The following SDK1 variants were observed in gnomAD, a reference collection of about 807,000 sequenced individuals.
SDK1 encodes the protein protein sidekick-1.
Under a neutral mutation model 245.5 loss-of-function variants are expected in SDK1, and 157 were observed. The ratio of observed to expected loss-of-function variants is 0.64; its 90% CI spans 0.56 to 0.73. The LOEUF (loss-of-function observed/expected upper bound fraction) is 0.73. Ranked by LOEUF, SDK1 falls within the 30% of genes least tolerant of loss-of-function variation. The pLI, the probability that SDK1 is intolerant of heterozygous loss-of-function variation, is 0.00. For synonymous variants in SDK1, 1,647 were observed against 1,278.5 expected (o/e 1.29, Z -6.15); for missense variants, 3,583 against 3,002.3 (o/e 1.19, Z -4.52).
intron 1 of SDK1, among the ~76,000 whole-genome samples, chr7:3,614,482 A>C (rs920757270): frequency 2.6e-5 from 4 of 152,202 alleles, no homozygotes; most frequent in Non-Finnish European, 5.9e-5. Flanking sequence ...TTTACCTTAG[A>C]GGCAACTCAA....
rs1214611374 is a variant in SDK1 at position 3,718,557 on chromosome 7, A to C, written c.713+76452A>C. Reference sequence around the variant, plus strand: ...TAAATAAATAAATAAATAAATAAATAAATAAATAAATAAATAAATAAATAA... The same window carrying C: ...TAAATAAATAAATAAATAAATAAATCAATAAATAAATAAATAAATAAATAA... On this transcript the variant is annotated intron_variant, in intron 4 of 44. Transcript: ENST00000404826. Among the ~76,000 whole-genome samples the C allele has an allele frequency of 3.3e-4, 47 of 143,252 alleles. 1 individual carries two copies. Among genetic ancestry groups the C allele is most frequent in the African/African-American group, 1.2e-3 (44 of 35,578 alleles). The allele number at this position is 143,252 out of a possible 152,430, so 94.0% of individuals were successfully genotyped here.
intron 4 of SDK1, among the ~76,000 whole-genome samples, chr7:3,680,408 G>T (rs1784062866): frequency 6.6e-6 from 1 of 152,132 alleles, no homozygotes; most frequent in Non-Finnish European, 1.5e-5. Context: ...AGTGATGGTT[G>T]TATAAATGCG....
At position 3,338,616 on chromosome 7, in the gene SDK1, A is replaced by T. The variant is rs73672096; in HGVS notation, c.298+36732A>T. ...CCATGGCATGATAGGTGTTAAAAAC[A>T]AACAAACAAACAAACAAAAAAAAAC... On this transcript the variant is annotated intron_variant, in intron 1 of 44. Coordinates refer to ENST00000404826, the MANE Select transcript of SDK1 (RefSeq NM_152744.4). 5.2e-3 allele frequency: 866 copies of T among 168,000 alleles called. 6 individuals are homozygous for T. Among genetic ancestry groups the T allele is most frequent in the African/African-American group, 0.029 (812 of 28,068 alleles). The allele number at this position is 168,000 out of a possible 1,614,324, so 10.4% of individuals were successfully genotyped here.
chr7:3,839,987 A>G (rs1394816328), intron 5 of SDK1, among the ~76,000 whole-genome samples: 1 of 152,222 alleles, frequency 6.6e-6, no homozygotes, highest in African/African-American at 2.4e-5. Context: ...TGCAGTTGTT[A>G]AAAAGGAGAT....
chr7:3,456,481 A>G (rs953363281), intron 1 of SDK1, among the ~76,000 whole-genome samples: 7 of 152,240 alleles, frequency 4.6e-5, no homozygotes, highest in Non-Finnish European at 8.8e-5. Context: ...ATGCTTTGTT[A>G]TCTGCATTCT....
At chr7:3,398,987 G>A in intron 1 of SDK1, among the ~76,000 whole-genome samples, 1 of 152,064 alleles carries the variant, frequency 6.6e-6, no homozygotes, top group East Asian at 1.9e-4. Flanking sequence ...TATTTTTCAT[G>A]TTGGGAGAGT....
At chr7:3,925,113 A>C (rs2128114732) in intron 5 of SDK1, among the ~76,000 whole-genome samples, 1 of 151,830 alleles carries the variant, frequency 6.6e-6, no homozygotes, top group South Asian at 2.1e-4. Context: ...TAATAAAACA[A>C]CCCCAGACAC....
intron 21 of SDK1, among the ~76,000 whole-genome samples, chr7:4,078,309 C>T (rs748049876): frequency 7.2e-5 from 11 of 152,080 alleles, no homozygotes; most frequent in Admixed American, 1.3e-4. Context: ...TTCTGTTTAC[C>T]GTGCTTGAAG....
In SDK1 at chr7:4,079,594, T is replaced by C; in HGVS notation, c.3324+10T>C. The C allele has an allele frequency of 6.2e-7, 1 of 1,613,968 alleles. No homozygotes were observed. The highest frequency in any genetic ancestry group is 1.1e-5 in the South Asian group (1 of 91,072). ...GATTGTTGAGGGGCAGGTACGTGTG[T>C]CGTTAGACTGGGAGCTGGCATTTGC... On this transcript the variant is annotated intron_variant, in intron 22 of 44. Transcript: ENST00000404826.
intron 5 of SDK1, among the ~76,000 whole-genome samples, chr7:3,853,299 A>G (rs1300290970): frequency 6.6e-6 from 1 of 152,124 alleles, no homozygotes; most frequent in Non-Finnish European, 1.5e-5. Flanking sequence ...CATTTAGTAA[A>G]CAATTTTGGA....
chr7:4,110,452 C>T (rs1271293662), intron 22 of SDK1, among the ~76,000 whole-genome samples: 1 of 152,170 alleles, frequency 6.6e-6, no homozygotes. Flanking sequence ...GAGCTTTTGA[C>T]TAAAACTCAC....
At chr7:3,434,797 T>C (rs1394723793) in intron 1 of SDK1, among the ~76,000 whole-genome samples, 1 of 152,008 alleles carries the variant, frequency 6.6e-6, no homozygotes, top group East Asian at 1.9e-4. Context: ...GGAGTGTAGA[T>C]AGAATCATGG....
At chr7:3,724,609 C>T (rs1321920967) in intron 4 of SDK1, among the ~76,000 whole-genome samples, 1 of 152,128 alleles carries the variant, frequency 6.6e-6, no homozygotes, top group Non-Finnish European at 1.5e-5. Flanking sequence ...TTTGAAAGCG[C>T]ATATGCAACA....
intron 1 of SDK1, among the ~76,000 whole-genome samples, chr7:3,487,829 A>G (rs1164039065): frequency 6.6e-6 from 1 of 151,880 alleles, no homozygotes; most frequent in African/African-American, 2.4e-5. Flanking sequence ...CAACAAAATC[A>G]TACCTTAGCA....
intron 1 of SDK1, among the ~76,000 whole-genome samples, chr7:3,612,357 C>G (rs1250525229): frequency 2.0e-5 from 3 of 152,020 alleles, no homozygotes; most frequent in East Asian, 1.9e-4. Context: ...AAACCTCACC[C>G]CAGAAGTACA....
chr7:3,508,783 T>C lies in SDK1; in HGVS notation c.299-110297T>C, dbSNP rs75754910. 3.7e-3 allele frequency among the ~76,000 whole-genome samples: 557 copies of C among 152,336 alleles called. 7 individuals carry two copies. The highest frequency in any genetic ancestry group is 0.012 in the African/African-American group (504 of 41,584). The stretch of plus-strand genomic sequence containing the variant: ...GCATTGGCATTGCCCCAAACCTGTT[T>C]ATTTCCCTCACTAGGCGTGAAATTC... On this transcript the variant is annotated intron_variant, in intron 1 of 44. Transcript: ENST00000404826.
At chr7:3,483,056 A>T (rs113464228) in intron 1 of SDK1, among the ~76,000 whole-genome samples, 17 of 152,138 alleles carry the variant, frequency 1.1e-4, no homozygotes, top group African/African-American at 3.9e-4. Flanking sequence ...AAAATGTTCA[A>T]ATTTTTTCAT....
At position 3,468,384 on chromosome 7, in the gene SDK1, C is replaced by G. The variant is rs535791327; in HGVS notation, c.299-150696C>G. Among the ~76,000 whole-genome samples the G allele has an allele frequency of 1.2e-3, 179 of 152,278 alleles. 1 individual carries two copies. The highest frequency in any genetic ancestry group is 4.1e-3 in the African/African-American group (170 of 41,564). ...GAAGCAAGGCTTTCTCTGACCTTCT[C>G]CTGCCCTCCTGTCTCAGTCGCATTC... On this transcript the variant is annotated intron_variant, in intron 1 of 44. Coordinates refer to ENST00000404826, the MANE Select transcript of SDK1 (RefSeq NM_152744.4).
chr7:4,154,798 C>T (rs1273625328), intron 30 of SDK1, among the ~76,000 whole-genome samples: 1 of 152,056 alleles, frequency 6.6e-6, no homozygotes, highest in African/African-American at 2.4e-5. Context: ...CACTCCAAAG[C>T]AGAGGTTTGG....
Sources: allele counts gnomAD v4.1 joint callset (sites outside exome capture counted in the v4.1 genomes callset), GRCh38; gene constraint gnomAD v4.1.1; transcripts MANE v1.5; gene names NCBI Gene and HGNC (gene_info 2026-07-23, HGNC 2026-07-21).